Variants in HDAC8 observed in about 807,000 individuals in gnomAD.
HDAC8 encodes the protein histone deacetylase 8.
Under a neutral mutation model 32.2 loss-of-function variants are expected in HDAC8, and 1 was observed. The ratio of observed to expected loss-of-function variants is 0.03; its 90% CI spans 0.01 to 0.15. The LOEUF is 0.15. Ranked by LOEUF, HDAC8 falls within the 10% of genes least tolerant of loss-of-function variation. HDAC8 has a pLI of 1.00. For missense variants in HDAC8, 117 were observed against 300.0 expected (o/e 0.39, Z 4.51); for synonymous variants, 108 against 113.9 (o/e 0.95, Z 0.33).
intron 4 of HDAC8, among the ~76,000 whole-genome samples, chrX:72,501,158 A>G (rs903868286): frequency 6.2e-5 from 7 of 112,198 alleles, no homozygotes; most frequent in Middle Eastern, 4.6e-3. Context: ...ATGCTCATGG[A>G]TAGGAGGAAT....
chrX:72,419,139 G>T (rs186571218), intron 9 of HDAC8, among the ~76,000 whole-genome samples: 82 of 111,511 alleles, frequency 7.4e-4, no homozygotes, highest in African/African-American at 2.6e-3. Context: ...TTGAGAATTG[G>T]TTTTTCCATT....
At chrX:72,462,166 T>C in intron 8 of HDAC8, 68 bp from the exon 9 acceptor site, 1 of 821,807 alleles carries the variant, frequency 1.2e-6, no homozygotes. Flanking sequence ...GGAAGGGGGG[T>C]AAGGAAAGAG....
intron 9 of HDAC8, among the ~76,000 whole-genome samples, chrX:72,434,573 A>T (rs1364874585): frequency 9.0e-6 from 1 of 111,689 alleles, no homozygotes; most frequent in Non-Finnish European, 1.9e-5. Context: ...CAGTATTATT[A>T]GCAAGAGCTG....
rs529192184 is a variant in HDAC8 at position 72,446,801 on chromosome X, T to C, written c.1005+15203A>G. On this transcript the variant is annotated intron_variant, in intron 9 of 10. Coordinates refer to ENST00000373573, the MANE Select transcript of HDAC8 (RefSeq NM_018486.3). ...AATACAAACTACCATCAGAGAATAA[T>C]ATAAACACCTCTACACGAATAAATT... 2.7e-5 allele frequency among the ~76,000 whole-genome samples: 3 copies of C among 110,871 alleles called. No individual in the cohort carries two copies. In the Admixed American group the frequency reaches 2.9e-4, roughly 11 times the overall value.
At chrX:72,547,983 C>A (rs998563653) in intron 4 of HDAC8, among the ~76,000 whole-genome samples, 8 of 111,543 alleles carry the variant, frequency 7.2e-5, no homozygotes, top group African/African-American at 2.6e-4. Context: ...TCAGCCTTCA[C>A]CATTCCCCGT....
intron 9 of HDAC8, among the ~76,000 whole-genome samples, chrX:72,388,171 G>A (rs1282827296): frequency 1.8e-5 from 2 of 110,798 alleles, no homozygotes; most frequent in East Asian, 2.9e-4. Flanking sequence ...TGTGTTCTCC[G>A]CTAAGAATTT....
At chrX:72,355,464 A>C (rs913405610) in intron 9 of HDAC8, among the ~76,000 whole-genome samples, 3 of 111,519 alleles carry the variant, frequency 2.7e-5, no homozygotes, top group African/African-American at 9.8e-5. Context: ...TCTGGGCTTC[A>C]GTTTATGCAC....
At position 72,535,585 on chromosome X, in the gene HDAC8, G is replaced by A. The variant is rs183224242; in HGVS notation, c.437+32304C>T. ...TTTGCTTTATGTTAGTGCATAGACT[G>A]TGTATTGTGAAATACCTATATTGTA... On this transcript the variant is annotated intron_variant, in intron 4 of 10. Transcript: ENST00000373573. 2.7e-5 allele frequency among the ~76,000 whole-genome samples: 3 copies of A among 111,401 alleles called. No homozygotes were observed. The Admixed American group carries it at 2.9e-4, about 11-fold the overall frequency.
Position 72,478,836 on chromosome X carries a change from T to C in HDAC8, c.737+10097A>G, listed in dbSNP as rs184694283. 5.5e-4 allele frequency among the ~76,000 whole-genome samples: 60 copies of C among 109,782 alleles called. 2 individuals carry two copies. The South Asian group carries it at 0.01, about 18-fold the overall frequency. Reference sequence around the variant, plus strand: ...CAAGCCCAGCTAATTTTTGTATTTTTAGTAGAGACGGGGTTTCACCAGATT... The same window carrying C: ...CAAGCCCAGCTAATTTTTGTATTTTCAGTAGAGACGGGGTTTCACCAGATT... On this transcript the variant is annotated intron_variant, in intron 7 of 10. Coordinates refer to ENST00000373573, the MANE Select transcript of HDAC8 (RefSeq NM_018486.3).
chrX:72,426,003 G>A (rs2046628628), intron 9 of HDAC8, among the ~76,000 whole-genome samples: 2 of 111,961 alleles, frequency 1.8e-5, no homozygotes, highest in Admixed American at 1.9e-4. Context: ...AATCTTCAAA[G>A]CCCCTCACTG....
intron 7 of HDAC8, among the ~76,000 whole-genome samples, chrX:72,482,380 C>T (rs781902363): frequency 1.4e-4 from 16 of 112,234 alleles, no homozygotes; most frequent in African/African-American, 5.2e-4. Flanking sequence ...GGTGGTTTTA[C>T]AGAATCTGCA....
chrX:72,464,132 AT>A (rs1444028870), intron 8 of HDAC8, among the ~76,000 whole-genome samples: 1 of 111,755 alleles, frequency 8.9e-6, no homozygotes, highest in African/African-American at 3.3e-5. Context: ...AGCTTATTTA[AT>A]TAATCTGTGT....
chrX:72,495,151 C>T lies in HDAC8; in HGVS notation c.550+5G>A, dbSNP rs1556012152. ...GCAAAGCATCTTTAAAACCAAAGGG[C>T]TTACCATCTCCATGGTGCAGATCCA... is the stretch of plus-strand genomic sequence containing the variant. On this transcript the variant is annotated splice_donor_5th_base_variant and intron_variant, in intron 5 of 10. Coordinates refer to ENST00000373573, the MANE Select transcript of HDAC8 (RefSeq NM_018486.3). 1 of 1,171,559 alleles carries T rather than the reference C, an allele frequency of 8.5e-7. No individual in the cohort carries two copies. Among genetic ancestry groups the T allele is most frequent in the East Asian group, 3.0e-5 (1 of 33,465 alleles).
intron 9 of HDAC8, among the ~76,000 whole-genome samples, chrX:72,429,466 G>A (rs1190663077): frequency 2.7e-5 from 3 of 112,000 alleles, no homozygotes; most frequent in Middle Eastern, 4.7e-3. Context: ...CCCAGTGCCC[G>A]AGTCTATCTT....
chrX:72,455,542 C>A (rs1286395958), intron 9 of HDAC8, among the ~76,000 whole-genome samples: 1 of 111,989 alleles, frequency 8.9e-6, no homozygotes, highest in African/African-American at 3.2e-5. Context: ...TGATTAAATA[C>A]TTGGACATTT....
intron 9 of HDAC8, among the ~76,000 whole-genome samples, chrX:72,430,267 T>G (rs1243876264): frequency 4.5e-5 from 5 of 112,161 alleles, no homozygotes; most frequent in African/African-American, 1.6e-4. Context: ...CTCTTGATTA[T>G]TTCCTTTTCT....
intron 10 of HDAC8, among the ~76,000 whole-genome samples, chrX:72,336,872 C>T (rs1191773128): frequency 9.0e-6 from 1 of 111,236 alleles, no homozygotes; most frequent in Non-Finnish European, 1.9e-5. Flanking sequence ...ACCTCAGCCT[C>T]CTGAGCAGCT....
chrX:72,446,403 G>C (rs1429812771), intron 9 of HDAC8, among the ~76,000 whole-genome samples: 27 of 110,763 alleles, frequency 2.4e-4, no homozygotes, highest in African/African-American at 8.9e-4. Context: ...GATGAAATTG[G>C]AAATCATCAT....
At chrX:72,428,511 C>T (rs782530525) in intron 9 of HDAC8, among the ~76,000 whole-genome samples, 9 of 112,070 alleles carry the variant, frequency 8.0e-5, no homozygotes, top group Non-Finnish European at 1.7e-4. Flanking sequence ...AATGAACCAA[C>T]AAGGGAGTAG....
Sources: gnomAD v4.1 joint callset for allele counts (sites outside exome capture counted in the v4.1 genomes callset) on GRCh38, gnomAD v4.1.1 for gene constraint, MANE v1.5 for transcripts, NCBI Gene and HGNC (gene_info 2026-07-23, HGNC 2026-07-21) for gene names.